The following MTR variants were observed in gnomAD, a reference collection of about 807,000 sequenced individuals.
MTR encodes methionine synthase.
Under a neutral mutation model 154.8 loss-of-function variants are expected in MTR, and 84 were observed. The ratio of observed to expected loss-of-function variants is 0.54; its 90% CI spans 0.45 to 0.65. The LOEUF (loss-of-function observed/expected upper bound fraction) is 0.65. Among genes scored for constraint, MTR ranks in the 30% least tolerant of loss-of-function variants. MTR has a pLI of 0.00. For synonymous variants in MTR, 554 were observed against 553.9 expected (o/e 1.00, Z 0.00); for missense variants, 1,275 against 1,570.2 (o/e 0.81, Z 3.18).
chr1:236,822,371 A>G (rs1359969218), intron 8 of MTR, among the ~76,000 whole-genome samples: 4 of 134,378 alleles, frequency 3.0e-5, no homozygotes, highest in Middle Eastern at 5.0e-3. Context: ...GTGCTGTGGT[A>G]TGATCATGGC....
chr1:236,795,797 C>T, intron 1 of MTR, 60 bp downstream of exon 1: 1 of 1,612,448 alleles, frequency 6.2e-7, no homozygotes, highest in African/African-American at 1.3e-5. Flanking sequence ...GCTGTGGCCT[C>T]CTAATCCCTG....
intron 2 of MTR, among the ~76,000 whole-genome samples, chr1:236,805,769 A>G (rs1660946423): frequency 6.6e-6 from 1 of 152,154 alleles, no homozygotes; most frequent in Admixed American, 6.5e-5. Flanking sequence ...AAGTGCTATG[A>G]TTACAAGCGT....
intron 23 of MTR, 105 bp downstream of exon 23, chr1:236,873,945 C>T: frequency 1.8e-6 from 2 of 1,130,308 alleles, no homozygotes; most frequent in Non-Finnish European, 2.7e-6. Context: ...CATGAGGGTT[C>T]TGTGGGACAT....
At chr1:236,878,845 A>G (rs1665574173) in intron 24 of MTR, among the ~76,000 whole-genome samples, 1 of 152,220 alleles carries the variant, frequency 6.6e-6, no homozygotes, top group African/African-American at 2.4e-5. Context: ...CCCCAGGGCC[A>G]TGGTCTGGCC....
Position 236,861,114 on chromosome 1 carries a change from G to C in MTR, c.2044-11G>C, listed in dbSNP as rs570088952. On this transcript the variant is annotated splice_polypyrimidine_tract_variant and intron_variant, in intron 19 of 32. Transcript: ENST00000366577. ...TTCTTTTTCTTTTTTTTTTTTTTTT[G>C]TCTTTTTTAGGGCATTGAAAAACAT... 5.5e-5 allele frequency: 30 copies of C among 541,860 alleles called. No individual in the cohort carries two copies. The highest frequency in any genetic ancestry group is 1.6e-4 in the South Asian group (4 of 24,370). 33.6% of individuals were successfully genotyped at this position (541,860 alleles called of 1,614,324 possible). A position where few individuals can be genotyped will look rare whatever the true frequency, so the allele number is the denominator to read the frequency against.
At chr1:236,886,618 T>G (rs1666025099) in intron 27 of MTR, among the ~76,000 whole-genome samples, 1 of 152,206 alleles carries the variant, frequency 6.6e-6, no homozygotes, top group Non-Finnish European at 1.5e-5. Context: ...AACTCCATAA[T>G]GGACATGGGA....
chr1:236,831,205 G>A (rs1401791137), intron 12 of MTR, among the ~76,000 whole-genome samples: 1 of 152,174 alleles, frequency 6.6e-6, no homozygotes, highest in Non-Finnish European at 1.5e-5. Context: ...TAAATGTAAT[G>A]AATAGAACAA....
Position 236,795,463 on chromosome 1 carries a change from C to G in MTR, c.-241C>G. ...CCGACACCAAGGACTGGCCGGGTAC[C>G]CGGGAAGAAAGCACGTGCTCCAGCA... On this transcript the variant is annotated 5_prime_UTR_variant, in exon 1 of 33. Transcript: ENST00000366577. The G allele has an allele frequency of 6.7e-7, 1 of 1,503,088 alleles. No homozygotes were observed. The highest frequency in any genetic ancestry group is 8.9e-7 in the Non-Finnish European group (1 of 1,125,480). The allele number at this position is 1,503,088 out of a possible 1,614,324, so 93.1% of individuals were successfully genotyped here.
intron 13 of MTR, among the ~76,000 whole-genome samples, chr1:236,833,550 G>T (rs964784580): frequency 6.6e-6 from 1 of 152,154 alleles, no homozygotes; most frequent in Non-Finnish European, 1.5e-5. Flanking sequence ...TCCCAAGCAT[G>T]TGCCCTTAAC....
intron 1 of MTR, 151 bp downstream of exon 1, chr1:236,795,888 G>C: frequency 1.7e-6 from 2 of 1,210,920 alleles, no homozygotes; most frequent in Non-Finnish European, 2.4e-6. Flanking sequence ...TAGCGCAGGA[G>C]CCCGGAGGGC....
Position 236,795,333 on chromosome 1 carries a change from C to A in MTR, c.-371C>A. On this transcript the variant is annotated 5_prime_UTR_variant, in exon 1 of 33. Coordinates refer to ENST00000366577, the MANE Select transcript of MTR (RefSeq NM_000254.3). ...TGAAAGGTTCTAAATGTCTGCGGGG[C>A]TCAGAGCCGGATGTCACGTCGTCCT... 1 of 1,298,320 alleles carries A rather than the reference C, an allele frequency of 7.7e-7. No individual in the cohort carries two copies. Among genetic ancestry groups the A allele is most frequent in the South Asian group, 1.3e-5 (1 of 76,216 alleles). 80.4% of individuals were successfully genotyped at this position (1,298,320 alleles called of 1,614,324 possible).
chr1:236,868,740 A>G (rs1257393581), intron 22 of MTR, among the ~76,000 whole-genome samples: 7 of 152,208 alleles, frequency 4.6e-5, no homozygotes, highest in Non-Finnish European at 1.0e-4. Context: ...TCTTAATATA[A>G]CTGTCTAGTA....
intron 27 of MTR, among the ~76,000 whole-genome samples, chr1:236,887,600 C>T (rs577192066): frequency 6.6e-6 from 1 of 152,246 alleles, no homozygotes; most frequent in East Asian, 1.9e-4. Flanking sequence ...CTGGAAATAC[C>T]CTCCAAAGGC....
At chr1:236,831,118 A>G (rs1245555887) in intron 12 of MTR, among the ~76,000 whole-genome samples, 1 of 152,214 alleles carries the variant, frequency 6.6e-6, no homozygotes, top group Non-Finnish European at 1.5e-5. Context: ...TCATTCAGGT[A>G]AGTGATTTGA....
chr1:236,807,190 T>C (rs1309289681), intron 3 of MTR, among the ~76,000 whole-genome samples: 2 of 152,168 alleles, frequency 1.3e-5, no homozygotes, highest in Non-Finnish European at 2.9e-5. Flanking sequence ...ACCTTTTTTT[T>C]TGAGGCAGGG....
chr1:236,897,836 G>A lies in MTR; in HGVS notation c.*192G>A, dbSNP rs1053907798. ...TTCCTGCAGTGCCTGGAAAACAGGC[G>A]CTGTTTTTTTGGGACCTTGCGTGAA... On this transcript the variant is annotated 3_prime_UTR_variant, in exon 33 of 33. Coordinates refer to ENST00000366577, the MANE Select transcript of MTR (RefSeq NM_000254.3). 1.5e-5 allele frequency: 9 copies of A among 612,308 alleles called. No individual in the cohort carries two copies. The highest frequency in any genetic ancestry group is 9.3e-5 in the African/African-American group (5 of 53,900). 37.9% of individuals were successfully genotyped at this position (612,308 alleles called of 1,614,324 possible).
At chr1:236,887,873 T>A (rs937530230) in intron 27 of MTR, among the ~76,000 whole-genome samples, 2 of 152,254 alleles carry the variant, frequency 1.3e-5, no homozygotes, top group Non-Finnish European at 2.9e-5. Flanking sequence ...TCAGTGGCTC[T>A]GCAGCAGCAT....
Position 236,816,624 on chromosome 1 carries a change from G to A in MTR, c.764+81G>A, listed in dbSNP as rs1053961080. The A allele has an allele frequency of 1.3e-5, 15 of 1,151,300 alleles. No homozygotes were observed. The African/African-American group carries it at 2.0e-4, about 15-fold the overall frequency. The allele number at this position is 1,151,300 out of a possible 1,614,324, so 71.3% of individuals were successfully genotyped here. Reference sequence around the variant, plus strand: ...GGCTGTGGAGTGTGACCTGGGAGGGGATTGCTTCTACATATTTTCACTGTA... The same window carrying A: ...GGCTGTGGAGTGTGACCTGGGAGGGAATTGCTTCTACATATTTTCACTGTA... On this transcript the variant is annotated intron_variant, in intron 8 of 32. Transcript: ENST00000366577.
chr1:236,827,620 C>A (rs553097346), intron 11 of MTR, among the ~76,000 whole-genome samples: 1 of 152,184 alleles, frequency 6.6e-6, no homozygotes, highest in Admixed American at 6.5e-5. Flanking sequence ...AGGGAAAAGA[C>A]GATAAGACAA....
Sources: gnomAD v4.1 joint callset for allele counts (sites outside exome capture counted in the v4.1 genomes callset) on GRCh38, gnomAD v4.1.1 for gene constraint, MANE v1.5 for transcripts, NCBI Gene and HGNC (gene_info 2026-07-23, HGNC 2026-07-21) for gene names.